The following NEGR1 variants were observed in gnomAD, a reference collection of about 807,000 sequenced individuals.
The protein encoded by NEGR1 is neuronal growth regulator 1.
In NEGR1, 10 loss-of-function variants were observed where a neutral mutation model predicts 40.9. That is an observed-to-expected ratio of 0.24 (90% confidence interval 0.15 to 0.42). The LOEUF (loss-of-function observed/expected upper bound fraction) is 0.42, where lower values mean the gene tolerates loss of function less well. Ranked by LOEUF, NEGR1 falls within the 10% of genes least tolerant of loss-of-function variation. NEGR1 has a pLI of 1.00. For missense variants in NEGR1, 352 were observed against 438.9 expected, an observed-to-expected ratio of 0.80 and a Z score of 1.77; for synonymous variants, 185 against 166.8, an observed-to-expected ratio of 1.11 and a Z score of -0.84.
chr1:71,439,145 A>G (rs1333686034), intron 6 of NEGR1, among the ~76,000 whole-genome samples: 1 of 151,990 alleles, frequency 6.6e-6, no homozygotes, highest in Non-Finnish European at 1.5e-5. Flanking sequence ...CCTTCTCCAG[A>G]CTACTCCAAA....
chr1:71,761,376 A>C (rs1216610689), intron 3 of NEGR1, among the ~76,000 whole-genome samples: 1 of 152,178 alleles, frequency 6.6e-6, no homozygotes. Flanking sequence ...ATAGGCTTTA[A>C]GTTGCTAATC....
Position 71,407,324 on chromosome 1 carries a change from G to C in NEGR1, c.*122C>G, listed in dbSNP as rs1438068624. On this transcript the variant is annotated 3_prime_UTR_variant, in exon 7 of 7. Coordinates refer to ENST00000357731, the MANE Select transcript of NEGR1 (RefSeq NM_173808.3). The stretch of plus-strand genomic sequence containing the variant: ...CATAATGAGCAATTCTACAGAAGGC[G>C]ATCATCCCCATGTAAGCACTGCTGA... 2 of 780,842 alleles carry C rather than the reference G, an allele frequency of 2.6e-6. No individual in the cohort carries two copies. The highest frequency in any genetic ancestry group is 2.1e-6 in the Non-Finnish European group (1 of 479,956). 48.4% of individuals were successfully genotyped at this position (780,842 alleles called of 1,614,324 possible).
chr1:72,012,426 A>T (rs1487758549), intron 1 of NEGR1, among the ~76,000 whole-genome samples: 1 of 152,078 alleles, frequency 6.6e-6, no homozygotes, highest in East Asian at 1.9e-4. Flanking sequence ...GTCGAGCCAA[A>T]TCAGTTTCTG....
At chr1:72,013,265 A>G (rs1196671419) in intron 1 of NEGR1, among the ~76,000 whole-genome samples, 7 of 151,930 alleles carry the variant, frequency 4.6e-5, no homozygotes, top group Non-Finnish European at 4.4e-5. Flanking sequence ...TACATTCCTC[A>G]CTCTTCTGTT....
chr1:72,013,104 T>C (rs1353049715), intron 1 of NEGR1, among the ~76,000 whole-genome samples: 1 of 151,920 alleles, frequency 6.6e-6, no homozygotes, highest in Non-Finnish European at 1.5e-5. Flanking sequence ...ATGGGGAATA[T>C]AGACAATTCT....
intron 1 of NEGR1, among the ~76,000 whole-genome samples, chr1:71,935,714 A>T (rs1470826437): frequency 2.0e-5 from 3 of 152,218 alleles, no homozygotes; most frequent in Non-Finnish European, 4.4e-5. Context: ...ATTTAGACTG[A>T]CCTGACCCAA....
intron 4 of NEGR1, among the ~76,000 whole-genome samples, chr1:71,688,403 T>TAAAAGATATATAA (rs57483006): frequency 3.3e-5 from 1 of 30,148 alleles, no homozygotes; most frequent in African/African-American, 1.2e-4. Context: ...AATATATATA[T>TAAAAGATATATAA]AAGATATATA....
chr1:71,872,894 T>C (rs1660318688), intron 2 of NEGR1, among the ~76,000 whole-genome samples: 1 of 152,122 alleles, frequency 6.6e-6, no homozygotes, highest in Non-Finnish European at 1.5e-5. Context: ...TGTTGTTCTC[T>C]CTCTTTTTAC....
intron 2 of NEGR1, among the ~76,000 whole-genome samples, chr1:71,903,304 A>T (rs1661190929): frequency 6.6e-6 from 1 of 152,012 alleles, no homozygotes; most frequent in South Asian, 2.1e-4. Context: ...CTAAATAAAT[A>T]AATTTTATGT....
intron 1 of NEGR1, among the ~76,000 whole-genome samples, chr1:72,080,473 C>T (rs1040497531): frequency 6.6e-6 from 1 of 151,722 alleles, no homozygotes; most frequent in Non-Finnish European, 1.5e-5. Context: ...ATTAAAAGAA[C>T]ATATGTAATA....
chr1:71,700,109 A>T (rs1557618753), intron 3 of NEGR1, among the ~76,000 whole-genome samples: 1 of 151,978 alleles, frequency 6.6e-6, no homozygotes, highest in East Asian at 1.9e-4. Flanking sequence ...AGATCAATTT[A>T]TTTGTTTAGC....
chr1:72,182,421 G>C (rs1280402906), intron 1 of NEGR1, among the ~76,000 whole-genome samples: 1 of 151,958 alleles, frequency 6.6e-6, no homozygotes, highest in Non-Finnish European at 1.5e-5. Context: ...TGAACCCGGG[G>C]GGTGGAGGTT....
chr1:71,441,633 C>G (rs185024324), intron 6 of NEGR1, among the ~76,000 whole-genome samples: 15 of 152,226 alleles, frequency 9.9e-5, no homozygotes, highest in Admixed American at 9.8e-4. Flanking sequence ...CCTTTCTGCT[C>G]TGTATTATAG....
chr1:71,928,448 G>GTA (rs1392554456), intron 2 of NEGR1, among the ~76,000 whole-genome samples: 2 of 127,684 alleles, frequency 1.6e-5, no homozygotes, highest in Non-Finnish European at 3.3e-5. Flanking sequence ...ACATATATAT[G>GTA]TATATATACA....
intron 2 of NEGR1, among the ~76,000 whole-genome samples, chr1:71,799,497 G>A (rs1267159897): frequency 3.3e-5 from 5 of 152,140 alleles, no homozygotes; most frequent in African/African-American, 1.2e-4. Context: ...CAGTGTTACA[G>A]TAAACATAGG....
chr1:72,202,540 A>T (rs1214894164), intron 1 of NEGR1, among the ~76,000 whole-genome samples: 2 of 152,036 alleles, frequency 1.3e-5, no homozygotes, highest in African/African-American at 4.8e-5. Flanking sequence ...AACACAAGTG[A>T]TAAAGTGCAA....
At chr1:71,647,294 AT>A (rs1044197707) in intron 4 of NEGR1, among the ~76,000 whole-genome samples, 4 of 151,754 alleles carry the variant, frequency 2.6e-5, no homozygotes, top group African/African-American at 9.7e-5. Context: ...GAAAGTAATC[AT>A]TTTTTTCCAG....
intron 6 of NEGR1, among the ~76,000 whole-genome samples, chr1:71,449,534 ATGG>A (rs1446745565): frequency 1.3e-5 from 2 of 152,210 alleles, no homozygotes; most frequent in African/African-American, 4.8e-5. Flanking sequence ...CAATTACATA[ATGG>A]CAGATAAAGA....
intron 6 of NEGR1, among the ~76,000 whole-genome samples, chr1:71,585,737 GC>G (rs1270660995): frequency 7.2e-6 from 1 of 138,026 alleles, no homozygotes; most frequent in African/African-American, 2.7e-5. Flanking sequence ...ATGCTTATGT[GC>G]ATGGCTGATT....
Sources: allele counts gnomAD v4.1 joint callset (sites outside exome capture counted in the v4.1 genomes callset), GRCh38; gene constraint gnomAD v4.1.1; transcripts MANE v1.5; gene names NCBI Gene and HGNC (gene_info 2026-07-23, HGNC 2026-07-21).